AGBL1: variants seen among roughly 807,000 people sequenced by gnomAD.
The protein encoded by AGBL1 is cytosolic carboxypeptidase 4.
In AGBL1, 130 loss-of-function variants were observed where a neutral mutation model predicts 118.9. The ratio of observed to expected loss-of-function variants is 1.09; its 90% CI spans 0.95 to 1.26. The LOEUF is 1.26. Ranked by LOEUF, AGBL1 falls within the 50% of genes most tolerant of loss-of-function variation. The pLI is 0.00. For missense variants in AGBL1, 1,584 were observed against 1,298.1 expected (o/e 1.22, Z -3.38); for synonymous variants, 555 against 478.9 (o/e 1.16, Z -2.08).
chr15:86,313,132 CT>C (rs143273599), intron 17 of AGBL1, among the ~76,000 whole-genome samples: 1,878 of 152,244 alleles, frequency 0.012, 12 homozygotes, highest in Non-Finnish European at 0.019. Flanking sequence ...TTTGGGAACA[CT>C]TTAGTCATGG....
intron 1 of AGBL1, among the ~76,000 whole-genome samples, chr15:86,113,488 G>A (rs1179457310): frequency 6.6e-6 from 1 of 151,882 alleles, no homozygotes; most frequent in South Asian, 2.1e-4. Context: ...GTTTCACCAT[G>A]TTGGCCAGGC....
At chr15:86,931,728 C>T (rs1025321037) in intron 23 of AGBL1, among the ~76,000 whole-genome samples, 1 of 152,074 alleles carries the variant, frequency 6.6e-6, no homozygotes, top group Admixed American at 6.6e-5. Context: ...GGTAGAAATA[C>T]TCTGAATTCT....
At chr15:86,763,038 A>G (rs1022726600) in intron 22 of AGBL1, among the ~76,000 whole-genome samples, 1 of 152,056 alleles carries the variant, frequency 6.6e-6, no homozygotes, top group Non-Finnish European at 1.5e-5. Flanking sequence ...ATGAAAAGCT[A>G]GGTTGAATAG....
At chr15:86,379,338 T>A (rs1316136901) in intron 17 of AGBL1, among the ~76,000 whole-genome samples, 1 of 152,198 alleles carries the variant, frequency 6.6e-6, no homozygotes, top group Non-Finnish European at 1.5e-5. Flanking sequence ...ATTAATACGA[T>A]AATATCCACT....
Position 86,749,316 on chromosome 15 carries a change from A to G in AGBL1, c.3158+74880A>G, listed in dbSNP as rs28785847. ...TCATGATTTTGCTCTCTGTTTGTCT[A>G]TTATTGGCGTATAAGAATGCTGGTG... On this transcript the variant is annotated intron_variant, in intron 22 of 22. Coordinates refer to ENST00000614907, the MANE Select transcript of AGBL1 (RefSeq NM_001386094.1). 5.5e-3 allele frequency among the ~76,000 whole-genome samples: 838 copies of G among 151,978 alleles called. 10 individuals are homozygous for G. The highest frequency in any genetic ancestry group is 0.019 in the African/African-American group (800 of 41,480).
At chr15:86,856,452 C>A (rs957079532) in intron 22 of AGBL1, among the ~76,000 whole-genome samples, 1 of 152,198 alleles carries the variant, frequency 6.6e-6, no homozygotes, top group Non-Finnish European at 1.5e-5. Context: ...ACTAAGCTAG[C>A]AAAGACAGAC....
At chr15:86,580,571 G>C (rs1365469106) in intron 21 of AGBL1, among the ~76,000 whole-genome samples, 7 of 151,548 alleles carry the variant, frequency 4.6e-5, no homozygotes. Context: ...TTTTCCTTTT[G>C]TTTTTAGTTG....
At chr15:86,136,152 T>C (rs2076885528) in intron 1 of AGBL1, among the ~76,000 whole-genome samples, 2 of 152,054 alleles carry the variant, frequency 1.3e-5, no homozygotes, top group African/African-American at 2.4e-5. Context: ...AGCAGTAGAA[T>C]CTCCCAGCCA....
chr15:86,517,657 G>C (rs879448080), intron 18 of AGBL1, among the ~76,000 whole-genome samples: 3 of 151,898 alleles, frequency 2.0e-5, no homozygotes, highest in Admixed American at 2.0e-4. Context: ...ATCTTCCCTT[G>C]CTCTCTGGAT....
At chr15:86,474,816 G>T (rs1052813195) in intron 18 of AGBL1, among the ~76,000 whole-genome samples, 4 of 152,316 alleles carry the variant, frequency 2.6e-5, no homozygotes, top group Middle Eastern at 3.4e-3. Context: ...CTAACTGGGA[G>T]GCACCCCCCA....
Position 86,925,099 on chromosome 15 carries a change from C to CAAGAAG in AGBL1, c.3222-62865_3222-62860dup, listed in dbSNP as rs71144081. On this transcript the variant is annotated intron_variant, in intron 23 of 24. Coordinates refer to the AGBL1 transcript ENST00000441037. Reference sequence around the variant, plus strand: ...CCTGTGTGACAGAGTGAGACTCTGTCAAGAAGAAGAAGAAGAAGAAGAAGA... The same window carrying CAAGAAG: ...CCTGTGTGACAGAGTGAGACTCTGTCAAGAAGAAGAAGAAGAAGAAGAAGAAGAAGA... Among the ~76,000 whole-genome samples, 32 of 121,900 alleles carry CAAGAAG rather than the reference C, an allele frequency of 2.6e-4. 1 individual carries two copies. The highest frequency in any genetic ancestry group is 6.3e-4 in the South Asian group (2 of 3,170). The allele number at this position is 121,900 out of a possible 152,430, so 80.0% of individuals were successfully genotyped here. A position where few individuals can be genotyped will look rare whatever the true frequency, so the allele number is the denominator to read the frequency against.
Position 86,646,126 on chromosome 15 carries a change from T to A in AGBL1, c.2995-28147T>A, listed in dbSNP as rs137957123. The stretch of plus-strand genomic sequence containing the variant: ...ATTTCCCCGTCTTACATCAACAGTT[T>A]GCTGAATCATTTACTTTTTCTCTTT... On this transcript the variant is annotated intron_variant, in intron 21 of 22. Transcript: ENST00000614907. 3.9e-3 allele frequency among the ~76,000 whole-genome samples: 584 copies of A among 151,612 alleles called. 5 individuals carry two copies. Among genetic ancestry groups the A allele is most frequent in the African/African-American group, 0.013 (550 of 41,504 alleles).
At chr15:86,178,103 G>A (rs79166092) in intron 5 of AGBL1, among the ~76,000 whole-genome samples, 1 of 152,144 alleles carries the variant, frequency 6.6e-6, no homozygotes, top group African/African-American at 2.4e-5. Flanking sequence ...CACGAGGTCA[G>A]CAGATCAAGA....
Position 86,558,925 on chromosome 15 carries a change from TTC to T in AGBL1, c.2994+4393_2994+4394del, listed in dbSNP as rs1302504996. 1.3e-5 allele frequency among the ~76,000 whole-genome samples: 2 copies of T among 152,220 alleles called. 1 individual carries two copies. Among genetic ancestry groups the T allele is most frequent in the African/African-American group, 4.8e-5 (2 of 41,460 alleles). Reference sequence around the variant, plus strand: ...GATGGCTTAAAACAACATAAATCTGTTCTCTCACAGATCTGGAAGATAAAAGC... The same window carrying T: ...GATGGCTTAAAACAACATAAATCTGTTCTCACAGATCTGGAAGATAAAAGC... On this transcript the variant is annotated intron_variant, in intron 21 of 22. Transcript: ENST00000614907.
intron 4 of AGBL1, among the ~76,000 whole-genome samples, chr15:86,155,661 A>T (rs71399814): frequency 6.6e-6 from 1 of 152,062 alleles, no homozygotes. Context: ...GAAAGTGACA[A>T]TTATTTAGAG....
At chr15:87,019,936 C>T (rs560435954) in intron 24 of AGBL1, among the ~76,000 whole-genome samples, 1 of 152,142 alleles carries the variant, frequency 6.6e-6, no homozygotes, top group South Asian at 2.1e-4. Flanking sequence ...GATATCACCA[C>T]TGACCCCACA....
rs528802974 is a variant in AGBL1 at position 86,462,344 on chromosome 15, G to T, written c.2556-60466G>T. On this transcript the variant is annotated intron_variant, in intron 18 of 22. Coordinates refer to ENST00000614907, the MANE Select transcript of AGBL1 (RefSeq NM_001386094.1). ...GACAAGCCTTCCAGTCTCAGCCCAA[G>T]CTCTCTCCTTTATTTAAGTTGTTCG... is the stretch of plus-strand genomic sequence containing the variant. 2.6e-5 allele frequency among the ~76,000 whole-genome samples: 4 copies of T among 152,166 alleles called. No individual in the cohort carries two copies. In the East Asian group the frequency reaches 5.8e-4, roughly 22 times the overall value.
At chr15:86,340,370 T>C (rs1195054827) in intron 17 of AGBL1, among the ~76,000 whole-genome samples, 1 of 151,914 alleles carries the variant, frequency 6.6e-6, no homozygotes, top group African/African-American at 2.4e-5. Flanking sequence ...CAGATGAAAT[T>C]AATTAAGGGT....
Position 86,636,743 on chromosome 15 carries a change from A to C in AGBL1, c.2995-37530A>C, listed in dbSNP as rs1466761501. Reference sequence around the variant, plus strand: ...TATATATATATATATATATATATATATATATATATATATATACACATACAT... The same window carrying C: ...TATATATATATATATATATATATATCTATATATATATATATACACATACAT... On this transcript the variant is annotated intron_variant, in intron 21 of 22. Transcript: ENST00000614907. Among the ~76,000 whole-genome samples, 241 of 62,254 alleles carry C rather than the reference A, an allele frequency of 3.9e-3. 11 individuals are homozygous for C. Among genetic ancestry groups the C allele is most frequent in the African/African-American group, 0.02 (233 of 11,620 alleles). 40.8% of individuals were successfully genotyped at this position (62,254 alleles called of 152,430 possible). A position where few individuals can be genotyped will look rare whatever the true frequency, so the allele number is the denominator to read the frequency against.
Sources: gnomAD v4.1 joint callset for allele counts (sites outside exome capture counted in the v4.1 genomes callset) on GRCh38, gnomAD v4.1.1 for gene constraint, MANE v1.5 for transcripts, NCBI Gene and HGNC (gene_info 2026-07-23, HGNC 2026-07-21) for gene names.